Variants in CLASP1 observed in about 807,000 individuals in gnomAD.
The protein encoded by CLASP1 is cytoplasmic linker associated protein 1.
CLASP1 carries 38 observed loss-of-function variants against 192.3 expected under a neutral mutation model. The ratio of observed to expected loss-of-function variants is 0.20; its 90% CI spans 0.15 to 0.26. CLASP1 has a LOEUF of 0.26. Ranked by LOEUF, CLASP1 falls within the 10% of genes least tolerant of loss-of-function variation. The pLI is 1.00. For missense variants in CLASP1, 1,433 were observed against 1,932.5 expected (o/e 0.74, Z 4.85); for synonymous variants, 691 against 712.8 (o/e 0.97, Z 0.49).
intron 9 of CLASP1, 132 bp from the exon 10 acceptor site, chr2:121,462,737 A>G (rs1216260060): frequency 3.2e-6 from 2 of 621,602 alleles, no homozygotes; most frequent in Non-Finnish European, 2.8e-6. Context: ...AAGGCTTCAT[A>G]TAACTTTGAA....
intron 19 of CLASP1, among the ~76,000 whole-genome samples, chr2:121,446,524 T>C (rs1047027851): frequency 4.6e-5 from 7 of 152,246 alleles, no homozygotes; most frequent in South Asian, 4.1e-4. Context: ...TCAGGAAGTT[T>C]AAATTTTATT....
chr2:121,527,391 T>C (rs2094599851), intron 5 of CLASP1, among the ~76,000 whole-genome samples: 1 of 152,322 alleles, frequency 6.6e-6, no homozygotes, highest in East Asian at 1.9e-4. Context: ...TTACATATTG[T>C]ATAATTCCAT....
intron 8 of CLASP1, among the ~76,000 whole-genome samples, chr2:121,482,735 C>G (rs1173034449): frequency 6.6e-6 from 1 of 152,208 alleles, no homozygotes; most frequent in Non-Finnish European, 1.5e-5. Context: ...TGGAATGACA[C>G]TCACACTGAA....
chr2:121,516,688 T>C (rs1051547653), intron 6 of CLASP1, among the ~76,000 whole-genome samples: 2 of 152,170 alleles, frequency 1.3e-5, no homozygotes, highest in African/African-American at 4.8e-5. Context: ...TAAGAAAATA[T>C]CTTTGTTATT....
intron 39 of CLASP1, among the ~76,000 whole-genome samples, chr2:121,342,279 G>A (rs537081619): frequency 5.3e-5 from 8 of 152,152 alleles, no homozygotes; most frequent in Non-Finnish European, 8.8e-5. Context: ...ACACCACCAT[G>A]CCCAGCTAAT....
intron 2 of CLASP1, among the ~76,000 whole-genome samples, chr2:121,574,360 C>T (rs1382460214): frequency 6.7e-6 from 1 of 148,990 alleles, no homozygotes. Flanking sequence ...GATGGCTGGG[C>T]ACCGTGGCTC....
intron 8 of CLASP1, among the ~76,000 whole-genome samples, chr2:121,498,499 A>C (rs983112659): frequency 6.6e-6 from 1 of 152,192 alleles, no homozygotes; most frequent in Non-Finnish European, 1.5e-5. Flanking sequence ...GAGCCACTGC[A>C]CCTGGCCAAA....
chr2:121,461,263 G>T, intron 10 of CLASP1, 70 bp from the exon 11 acceptor site: 1 of 819,472 alleles, frequency 1.2e-6, no homozygotes, highest in Non-Finnish European at 1.9e-6. Flanking sequence ...TTAATTACAT[G>T]AAGTCAAGAA....
In CLASP1 at chr2:121,574,929, G is replaced by T. The variant is rs527461232; in HGVS notation, c.195+30772C>A. Among the ~76,000 whole-genome samples the T allele has an allele frequency of 2.0e-3, 298 of 151,494 alleles. 1 individual carries two copies. The highest frequency in any genetic ancestry group is 5.8e-3 in the African/African-American group (239 of 41,336). ...CTGCACTCCAACTTGGGCTACAGAG[G>T]GAGATTCTGTCTCAAAGAAAAAAAA... On this transcript the variant is annotated intron_variant, in intron 2 of 39. Coordinates refer to ENST00000263710, the Ensembl canonical transcript of CLASP1.
At chr2:121,500,114 A>T (rs542045718) in intron 8 of CLASP1, among the ~76,000 whole-genome samples, 1 of 152,172 alleles carries the variant, frequency 6.6e-6, no homozygotes, top group Admixed American at 6.5e-5. Context: ...CCTACAACTA[A>T]TAAGTTCAGA....
chr2:121,422,128 T>C (rs570999792), intron 22 of CLASP1, among the ~76,000 whole-genome samples: 4 of 152,308 alleles, frequency 2.6e-5, no homozygotes, highest in Admixed American at 6.5e-5. Flanking sequence ...CATTTCTTGA[T>C]AGACACTCTA....
At chr2:121,432,768 A>G (rs1159213280) in intron 19 of CLASP1, among the ~76,000 whole-genome samples, 1 of 152,084 alleles carries the variant, frequency 6.6e-6, no homozygotes, top group African/African-American at 2.4e-5. Context: ...GAATGGAATC[A>G]TTATATTTTG....
At chr2:121,416,199 T>G (rs1360148172) in intron 23 of CLASP1, among the ~76,000 whole-genome samples, 1 of 152,214 alleles carries the variant, frequency 6.6e-6, no homozygotes, top group Non-Finnish European at 1.5e-5. Context: ...CCATGAGTCC[T>G]CTGTCACATT....
chr2:121,643,084 T>C (rs1203852927), intron 1 of CLASP1, among the ~76,000 whole-genome samples: 1 of 152,040 alleles, frequency 6.6e-6, no homozygotes, highest in Non-Finnish European at 1.5e-5. Flanking sequence ...TCAGCTATCC[T>C]GAATGAAGAC....
At chr2:121,413,140 G>A (rs1210301458) in intron 23 of CLASP1, among the ~76,000 whole-genome samples, 1 of 152,036 alleles carries the variant, frequency 6.6e-6, no homozygotes, top group East Asian at 1.9e-4. Flanking sequence ...CGCACCTGTA[G>A]TCCCAGCTAC....
chr2:121,492,246 G>C (rs543271451), intron 8 of CLASP1, among the ~76,000 whole-genome samples: 1 of 151,680 alleles, frequency 6.6e-6, no homozygotes, highest in African/African-American at 2.4e-5. Flanking sequence ...AAAATTAGCC[G>C]GGCGTGGTGG....
At chr2:121,456,443 G>A (rs1017947200) in intron 14 of CLASP1, among the ~76,000 whole-genome samples, 2 of 151,384 alleles carry the variant, frequency 1.3e-5, no homozygotes, top group African/African-American at 4.9e-5. Context: ...ACAGTGTGCT[G>A]CACTCCAGCC....
intron 39 of CLASP1, among the ~76,000 whole-genome samples, chr2:121,344,286 C>G (rs1157323499): frequency 6.6e-6 from 1 of 151,992 alleles, no homozygotes; most frequent in East Asian, 1.9e-4. Context: ...CAGACCTCTT[C>G]GTACAGAAGA....
At chr2:121,371,356 G>A (rs1286137161) in intron 34 of CLASP1, among the ~76,000 whole-genome samples, 2 of 151,700 alleles carry the variant, frequency 1.3e-5, no homozygotes, top group Non-Finnish European at 2.9e-5. Flanking sequence ...GCAGCTTCTC[G>A]AGTAGCTGGG....
Sources: gnomAD v4.1 joint callset for allele counts (sites outside exome capture counted in the v4.1 genomes callset) on GRCh38, gnomAD v4.1.1 for gene constraint, MANE v1.5 for transcripts, NCBI Gene and HGNC (gene_info 2026-07-23, HGNC 2026-07-21) for gene names.